Variants in ATF6 observed in about 807,000 individuals in gnomAD.
The protein encoded by ATF6 is activating transcription factor 6, also known as cyclic AMP-dependent transcription factor ATF-6 alpha.
In ATF6, 53 loss-of-function variants were observed where a neutral mutation model predicts 83.6. The ratio of observed to expected loss-of-function variants is 0.63; its 90% CI spans 0.51 to 0.80. The LOEUF (loss-of-function observed/expected upper bound fraction) is 0.80, where lower values mean the gene tolerates loss of function less well. ATF6 is among the 30% of genes least tolerant of loss of function. The pLI, the probability that ATF6 is intolerant of heterozygous loss-of-function variation, is 0.00. For missense variants in ATF6, 744 were observed against 797.9 expected (o/e 0.93, Z 0.81); for synonymous variants, 288 against 285.8 (o/e 1.01, Z -0.08).
In ATF6 at chr1:161,961,936, C is replaced by T. The variant is rs1689109616; in HGVS notation, c.*3282C>T. The T allele has an allele frequency of 6.6e-6, 1 of 152,148 alleles. No individual in the cohort carries two copies. The highest frequency in any genetic ancestry group is 1.5e-5 in the Non-Finnish European group (1 of 68,024). 9.4% of individuals were successfully genotyped at this position (152,148 alleles called of 1,614,324 possible). On this transcript the variant is annotated 3_prime_UTR_variant, in exon 16 of 16. Transcript: ENST00000367942. ...TGACTTATGCCCAGCAGTACAGGGA[C>T]ACAGCTTCATTAGAGTGTTAGTGTA...
intron 7 of ATF6, among the ~76,000 whole-genome samples, chr1:161,812,385 T>C (rs1264319192): frequency 8.1e-5 from 8 of 98,698 alleles, no homozygotes; most frequent in African/African-American, 2.7e-4. Context: ...TTTTTTTTTT[T>C]TTTTTTTTTT....
intron 14 of ATF6, among the ~76,000 whole-genome samples, chr1:161,869,079 C>CCAA (rs527263418): frequency 6.7e-6 from 1 of 149,026 alleles, no homozygotes; most frequent in African/African-American, 2.5e-5. Context: ...GTGATTATTG[C>CCAA]AAAAAAAAAG....
intron 15 of ATF6, among the ~76,000 whole-genome samples, chr1:161,941,326 T>C (rs1456776203): frequency 1.3e-5 from 2 of 152,250 alleles, no homozygotes; most frequent in Non-Finnish European, 2.9e-5. Flanking sequence ...TTTACAGTTG[T>C]CTGGGGTTTG....
At chr1:161,953,246 C>T (rs1431743872) in intron 15 of ATF6, among the ~76,000 whole-genome samples, 2 of 152,144 alleles carry the variant, frequency 1.3e-5, no homozygotes, top group African/African-American at 2.4e-5. Flanking sequence ...TTTTAACCTA[C>T]GTGAATTATA....
chr1:161,914,550 A>G (rs1482767922), intron 15 of ATF6, among the ~76,000 whole-genome samples: 1 of 152,030 alleles, frequency 6.6e-6, no homozygotes, highest in African/African-American at 2.4e-5. Flanking sequence ...TCAGCCTCCC[A>G]TCCATATGGT....
intron 9 of ATF6, among the ~76,000 whole-genome samples, chr1:161,836,296 T>G (rs564209917): frequency 6.6e-6 from 1 of 152,332 alleles, no homozygotes; most frequent in Non-Finnish European, 1.5e-5. Context: ...TTTCGCCATA[T>G]GATATCACTA....
chr1:161,904,745 C>T lies in ATF6; in HGVS notation c.1720-7551C>T, dbSNP rs571931148. ...CACCCTATGTGATATGAAAAGTGAACTCTTCTAGATTGTGGAACAGCTTTA... is the reference window on the plus strand; with the variant it reads ...CACCCTATGTGATATGAAAAGTGAATTCTTCTAGATTGTGGAACAGCTTTA... On this transcript the variant is annotated intron_variant, in intron 14 of 15. Coordinates refer to ENST00000367942, the MANE Select transcript of ATF6 (RefSeq NM_007348.4). Among the ~76,000 whole-genome samples the T allele has an allele frequency of 5.3e-5, 8 of 152,262 alleles. 1 individual carries two copies. Among genetic ancestry groups the T allele is most frequent in the African/African-American group, 1.9e-4 (8 of 41,552 alleles).
At chr1:161,843,961 A>C (rs1465937219) in intron 9 of ATF6, among the ~76,000 whole-genome samples, 2 of 152,206 alleles carry the variant, frequency 1.3e-5, no homozygotes, top group Non-Finnish European at 2.9e-5. Context: ...CAGTTACACA[A>C]ATTCAGAGTT....
At chr1:161,789,619 G>A (rs985860204) in intron 4 of ATF6, among the ~76,000 whole-genome samples, 2 of 151,754 alleles carry the variant, frequency 1.3e-5, no homozygotes, top group Non-Finnish European at 2.9e-5. Context: ...AATTATACTA[G>A]AATTACAGAA....
At chr1:161,802,644 A>C (rs913187466) in intron 7 of ATF6, among the ~76,000 whole-genome samples, 7 of 152,140 alleles carry the variant, frequency 4.6e-5, no homozygotes, top group Admixed American at 4.6e-4. Flanking sequence ...TGTTTTAGCG[A>C]TCTTCAGATA....
chr1:161,835,416 T>C (rs550333965), intron 9 of ATF6, among the ~76,000 whole-genome samples: 1 of 152,262 alleles, frequency 6.6e-6, no homozygotes, highest in African/African-American at 2.4e-5. Flanking sequence ...TGAAGTCTGA[T>C]AGGGTAGGTC....
At chr1:161,896,375 G>A (rs1687677496) in intron 14 of ATF6, among the ~76,000 whole-genome samples, 1 of 152,216 alleles carries the variant, frequency 6.6e-6, no homozygotes, top group African/African-American at 2.4e-5. Flanking sequence ...GAAATTACAG[G>A]CGTGAGCCAC....
At chr1:161,811,538 T>C (rs1334178648) in intron 7 of ATF6, among the ~76,000 whole-genome samples, 1 of 152,206 alleles carries the variant, frequency 6.6e-6, no homozygotes, top group Non-Finnish European at 1.5e-5. Context: ...TTATATTTAG[T>C]TATAATTTTA....
chr1:161,893,321 C>G (rs368729563), intron 14 of ATF6, among the ~76,000 whole-genome samples: 1 of 151,994 alleles, frequency 6.6e-6, no homozygotes, highest in South Asian at 2.1e-4. Flanking sequence ...CATGTGACAC[C>G]ATGCCCAGCT....
At chr1:161,785,151 C>T (rs187812215) in intron 4 of ATF6, among the ~76,000 whole-genome samples, 25 of 152,310 alleles carry the variant, frequency 1.6e-4, no homozygotes, top group East Asian at 1.3e-3. Flanking sequence ...CTCATTCAAC[C>T]GCTGTGCCAG....
At chr1:161,920,294 C>CTCTCTTTTTTTTTTTTTTTTTT (rs1157916734) in intron 15 of ATF6, among the ~76,000 whole-genome samples, 3 of 54,846 alleles carry the variant, frequency 5.5e-5, no homozygotes, top group African/African-American at 1.5e-4. Context: ...CTCTCTCTCT[C>CTCTCTTTTTTTTTTTTTTTTTT]TTTTTTTTTT....
At chr1:161,914,516 A>G (rs1688051626) in intron 15 of ATF6, among the ~76,000 whole-genome samples, 1 of 152,098 alleles carries the variant, frequency 6.6e-6, no homozygotes, top group African/African-American at 2.4e-5. Flanking sequence ...TTTTTGATCC[A>G]GTCATCTTTT....
intron 14 of ATF6, among the ~76,000 whole-genome samples, chr1:161,888,453 G>A (rs1282389512): frequency 1.3e-5 from 2 of 152,072 alleles, no homozygotes; most frequent in East Asian, 3.9e-4. Context: ...AATTCCCCTA[G>A]CTTGAATGTA....
chr1:161,872,004 G>A (rs1272928286), intron 14 of ATF6, among the ~76,000 whole-genome samples: 1 of 151,576 alleles, frequency 6.6e-6, no homozygotes, highest in Admixed American at 6.6e-5. Flanking sequence ...ACAAGGTGGG[G>A]CTATAAATTA....
Sources: gnomAD v4.1 joint callset for allele counts (sites outside exome capture counted in the v4.1 genomes callset) on GRCh38, gnomAD v4.1.1 for gene constraint, MANE v1.5 for transcripts, NCBI Gene and HGNC (gene_info 2026-07-23, HGNC 2026-07-21) for gene names.